SAE1: variants seen among roughly 807,000 people sequenced by gnomAD.
The protein encoded by SAE1 is SUMO1 activating enzyme subunit 1.
Under a neutral mutation model 40.6 loss-of-function variants are expected in SAE1, and 11 were observed. The ratio of observed to expected loss-of-function variants is 0.27; its 90% CI spans 0.17 to 0.45. SAE1 has a LOEUF of 0.45. SAE1 is among the 20% of genes least tolerant of loss of function. SAE1 has a pLI of 1.00. For missense variants in SAE1, 373 were observed against 427.3 expected (o/e 0.87, Z 1.12); for synonymous variants, 155 against 154.3 (o/e 1.00, Z -0.03).
intron 5 of SAE1, among the ~76,000 whole-genome samples, chr19:47,160,443 G>A (rs1293285975): frequency 7.0e-6 from 1 of 143,164 alleles, no homozygotes; most frequent in Non-Finnish European, 1.5e-5. Context: ...CGCCCAGGCT[G>A]GAGTGCAGTG....
At chr19:47,191,433 T>A (rs943903710) in intron 6 of SAE1, among the ~76,000 whole-genome samples, 6 of 152,214 alleles carry the variant, frequency 3.9e-5, no homozygotes, top group African/African-American at 1.4e-4. Context: ...TAAACGCTAG[T>A]CCTGTCAGTC....
At chr19:47,198,573 G>A (rs376443579) in intron 7 of SAE1, among the ~76,000 whole-genome samples, 22 of 152,268 alleles carry the variant, frequency 1.4e-4, no homozygotes, top group African/African-American at 5.3e-4. Context: ...TAGGCATCAG[G>A]TAGTAAGTAG....
intron 1 of SAE1, among the ~76,000 whole-genome samples, chr19:47,136,991 C>T (rs1427295478): frequency 6.6e-6 from 1 of 152,132 alleles, no homozygotes; most frequent in African/African-American, 2.4e-5. Flanking sequence ...AATGGGCAGG[C>T]TGATAAAATG....
At chr19:47,201,360 C>CTTTTTTTTTTTTTTTTTTTTTT (rs57568797) in intron 7 of SAE1, among the ~76,000 whole-genome samples, 1 of 66,230 alleles carries the variant, frequency 1.5e-5, no homozygotes. Flanking sequence ...TATCTGGTTC[C>CTTTTTTTTTTTTTTTTTTTTTT]TTTTTTTTTT....
chr19:47,198,024 C>G (rs576807642), intron 7 of SAE1, among the ~76,000 whole-genome samples: 13 of 152,306 alleles, frequency 8.5e-5, no homozygotes, highest in Non-Finnish European at 1.6e-4. Context: ...CATGCTTTCA[C>G]CTTACGTGAC....
At chr19:47,187,022 G>T (rs961833207) in intron 6 of SAE1, among the ~76,000 whole-genome samples, 3 of 152,198 alleles carry the variant, frequency 2.0e-5, no homozygotes, top group Admixed American at 1.3e-4. Context: ...AGGGGTGGAG[G>T]GGGGGTGCTC....
At chr19:47,131,052 C>T in intron 1 of SAE1, 24 bp downstream of exon 1, 1 of 1,515,118 alleles carries the variant, frequency 6.6e-7, no homozygotes, top group Non-Finnish European at 8.8e-7. Context: ...CGGCTTGAGG[C>T]CGCTAGGGTC....
At chr19:47,145,915 G>A (rs937295683) in intron 2 of SAE1, among the ~76,000 whole-genome samples, 2 of 149,502 alleles carry the variant, frequency 1.3e-5, no homozygotes, top group Admixed American at 6.9e-5. Flanking sequence ...AGATGCTCAC[G>A]GTTTGGTTCC....
At chr19:47,203,778 G>T in intron 8 of SAE1, 38 bp downstream of exon 8, 1 of 1,544,004 alleles carries the variant, frequency 6.5e-7, no homozygotes, top group South Asian at 1.1e-5. Context: ...TGTTAACCAT[G>T]ACTTTGTATA....
chr19:47,178,066 C>A (rs1233572456), intron 6 of SAE1, among the ~76,000 whole-genome samples: 1 of 152,034 alleles, frequency 6.6e-6, no homozygotes, highest in African/African-American at 2.4e-5. Flanking sequence ...CATAGTGAAA[C>A]CCCATCTCTA....
chr19:47,185,037 C>T (rs2058535433), intron 6 of SAE1, among the ~76,000 whole-genome samples: 1 of 151,900 alleles, frequency 6.6e-6, no homozygotes, highest in Non-Finnish European at 1.5e-5. Context: ...CCAGGCTGCT[C>T]TCGAACTCCT....
At chr19:47,148,223 CAT>C (rs1049803579) in intron 2 of SAE1, among the ~76,000 whole-genome samples, 2 of 151,980 alleles carry the variant, frequency 1.3e-5, no homozygotes, top group African/African-American at 4.8e-5. Flanking sequence ...CTTCTCAGCA[CAT>C]AATGAGATCC....
chr19:47,209,022 A>G lies in SAE1; in HGVS notation c.949-137A>G. ...ATAGGACAATCAAAATTGTCTCCAGACATTGCCAAATAGCCCTTTGGGAGC... is the reference window on the plus strand; with the variant it reads ...ATAGGACAATCAAAATTGTCTCCAGGCATTGCCAAATAGCCCTTTGGGAGC... On this transcript the variant is annotated intron_variant, in intron 8 of 8. Transcript: ENST00000270225. 3 of 677,914 alleles carry G rather than the reference A, an allele frequency of 4.4e-6. No individual in the cohort carries two copies. In the South Asian group the frequency reaches 5.8e-5, roughly 13 times the overall value. The allele number at this position is 677,914 out of a possible 1,614,324, so 42.0% of individuals were successfully genotyped here.
Position 47,130,852 on chromosome 19 carries a change from G to GGCGGCGGTAGGTGGCGCGCGGGT in SAE1, c.-78_-56dup. 1 of 1,542,146 alleles carries GGCGGCGGTAGGTGGCGCGCGGGT rather than the reference G, an allele frequency of 6.5e-7. No individual in the cohort carries two copies. On this transcript the variant is annotated 5_prime_UTR_variant, in exon 1 of 9. Transcript: ENST00000270225. ...GCAGAAGCACTCCGGGCGTGCTGCC[G>GGCGGCGGTAGGTGGCGCGCGGGT]GCGGCGGTAGGTGGCGCGCGGGTCC...
intron 6 of SAE1, among the ~76,000 whole-genome samples, chr19:47,182,308 G>A (rs1171949799): frequency 6.6e-6 from 1 of 152,082 alleles, no homozygotes; most frequent in Admixed American, 6.6e-5. Context: ...TCCCCAGTGG[G>A]TTTTTGGTGT....
In SAE1 at chr19:47,142,804, C is replaced by T. The variant is rs541442836; in HGVS notation, c.99-690C>T. Among the ~76,000 whole-genome samples the T allele has an allele frequency of 9.2e-5, 14 of 152,316 alleles. No individual in the cohort carries two copies. The East Asian group carries it at 2.7e-3, about 29-fold the overall frequency. ...TTGATTTTTGCTCATATGGCATCTCCTCAGAAAGGCTTGTATGATTTCTGT... is the reference window on the plus strand; with the variant it reads ...TTGATTTTTGCTCATATGGCATCTCTTCAGAAAGGCTTGTATGATTTCTGT... On this transcript the variant is annotated intron_variant, in intron 1 of 8. Transcript: ENST00000270225.
intron 6 of SAE1, among the ~76,000 whole-genome samples, chr19:47,192,065 A>G (rs915994550): frequency 9.9e-5 from 15 of 151,978 alleles, no homozygotes; most frequent in Admixed American, 3.9e-4. Context: ...AAAAAAAAAA[A>G]AGAAAAAAGA....
At chr19:47,195,655 GTCCCTTCCCCTT>G (rs2058608917) in intron 6 of SAE1, among the ~76,000 whole-genome samples, 1 of 151,144 alleles carries the variant, frequency 6.6e-6, no homozygotes, top group South Asian at 2.1e-4. Flanking sequence ...TCTCTTCTAG[GTCCCTTCCCCTT>G]TCCCTTTCCC....
At position 47,144,946 on chromosome 19, in the gene SAE1, C is replaced by T. The variant is rs575442304; in HGVS notation, c.210+1341C>T. Among the ~76,000 whole-genome samples the T allele has an allele frequency of 1.1e-4, 17 of 152,266 alleles. 1 individual carries two copies. Among genetic ancestry groups the T allele is most frequent in the Admixed American group, 3.9e-4 (6 of 15,288 alleles). ...TCCCGGGCTCAAGTGATTCTCCTGC[C>T]TCAGCCTCTGAAGTAGCTGGGATTA... On this transcript the variant is annotated intron_variant, in intron 2 of 8. Coordinates refer to ENST00000270225, the MANE Select transcript of SAE1 (RefSeq NM_005500.3).
Sources: allele counts gnomAD v4.1 joint callset (sites outside exome capture counted in the v4.1 genomes callset), GRCh38; gene constraint gnomAD v4.1.1; transcripts MANE v1.5; gene names NCBI Gene and HGNC (gene_info 2026-07-23, HGNC 2026-07-21).